SNTG2: variants seen among roughly 807,000 people sequenced by gnomAD.
SNTG2 encodes syntrophin gamma 2.
In SNTG2, 74 loss-of-function variants were observed where a neutral mutation model predicts 70.9. That is an observed-to-expected ratio of 1.04 (90% CI 0.86 to 1.27). The LOEUF (loss-of-function observed/expected upper bound fraction) is 1.27. Ranked by LOEUF, SNTG2 falls within the 50% of genes most tolerant of loss-of-function variation. The pLI, the probability that SNTG2 is intolerant of heterozygous loss-of-function variation, is 0.00. For missense variants in SNTG2, 717 were observed against 690.7 expected (o/e 1.04, Z -0.43); for synonymous variants, 278 against 273.8 (o/e 1.02, Z -0.15).
At chr2:1,153,409 C>G (rs1415579567) in intron 6 of SNTG2, among the ~76,000 whole-genome samples, 1 of 152,094 alleles carries the variant, frequency 6.6e-6, no homozygotes, top group Non-Finnish European at 1.5e-5. Flanking sequence ...GGAAAAGATC[C>G]ACATTTTAGA....
intron 16 of SNTG2, among the ~76,000 whole-genome samples, chr2:1,323,936 G>A (rs1450297138): frequency 6.6e-6 from 1 of 151,782 alleles, no homozygotes; most frequent in East Asian, 1.9e-4. Flanking sequence ...ACCCAGGTTA[G>A]TCAGGGACAT....
At chr2:953,223 T>A (rs954759055) in intron 1 of SNTG2, among the ~76,000 whole-genome samples, 1 of 152,226 alleles carries the variant, frequency 6.6e-6, no homozygotes, top group African/African-American at 2.4e-5. Flanking sequence ...TCTCTGACCA[T>A]ACCTGGATTT....
chr2:1,126,035 A>G (rs183463928), intron 4 of SNTG2, among the ~76,000 whole-genome samples: 6 of 152,324 alleles, frequency 3.9e-5, no homozygotes, highest in Admixed American at 6.5e-5. Flanking sequence ...TTGAAAATAA[A>G]CAATATATTA....
At chr2:1,303,994 G>A (rs1254247806) in intron 14 of SNTG2, among the ~76,000 whole-genome samples, 1 of 152,206 alleles carries the variant, frequency 6.6e-6, no homozygotes, top group East Asian at 1.9e-4. Context: ...GTTTAGTTCA[G>A]ATGATTTCAC....
chr2:1,247,199 G>A (rs949357548), intron 11 of SNTG2, 128 bp from the exon 12 acceptor site: 4 of 596,768 alleles, frequency 6.7e-6, no homozygotes, highest in African/African-American at 3.7e-5. Flanking sequence ...ACATCTCCAC[G>A]TTTCTCCCGT....
intron 8 of SNTG2, among the ~76,000 whole-genome samples, chr2:1,183,465 A>G (rs1672056069): frequency 1.3e-5 from 2 of 152,322 alleles, no homozygotes; most frequent in African/African-American, 4.8e-5. Flanking sequence ...ACTGACCACC[A>G]GCAGGGTGAG....
chr2:1,228,879 C>T (rs1256392951), intron 9 of SNTG2, among the ~76,000 whole-genome samples: 4 of 152,044 alleles, frequency 2.6e-5, no homozygotes, highest in Admixed American at 6.6e-5. Flanking sequence ...AGAGTTTCTT[C>T]CTTCTGGTGG....
chr2:1,194,828 T>C (rs1424988758), intron 8 of SNTG2, among the ~76,000 whole-genome samples: 1 of 152,132 alleles, frequency 6.6e-6, no homozygotes, highest in Non-Finnish European at 1.5e-5. Context: ...GCTGCACCCA[T>C]CAACCTGCCA....
chr2:1,102,995 G>T (rs6720065), intron 4 of SNTG2, among the ~76,000 whole-genome samples: 3 of 152,120 alleles, frequency 2.0e-5, no homozygotes, highest in African/African-American at 7.2e-5. Flanking sequence ...GTTGAGGTGC[G>T]GCCTGCGTGC....
chr2:1,267,133 A>G (rs561233058), intron 13 of SNTG2, among the ~76,000 whole-genome samples: 1 of 152,316 alleles, frequency 6.6e-6, no homozygotes, highest in Non-Finnish European at 1.5e-5. Flanking sequence ...AGGGAAAGGC[A>G]CTTACAGAGA....
At chr2:1,222,067 C>CTA (rs1213501337) in intron 9 of SNTG2, among the ~76,000 whole-genome samples, 1 of 13,012 alleles carries the variant, frequency 7.7e-5, no homozygotes, top group African/African-American at 2.5e-4. Flanking sequence ...GTCTCTGTTT[C>CTA]TCTCTGTCTC....
At chr2:1,360,585 T>C (rs1273748018) in intron 16 of SNTG2, among the ~76,000 whole-genome samples, 2 of 152,192 alleles carry the variant, frequency 1.3e-5, no homozygotes, top group African/African-American at 2.4e-5. Context: ...ATTTCCCTTA[T>C]ATTTGTGTGA....
intron 16 of SNTG2, among the ~76,000 whole-genome samples, chr2:1,364,459 A>G (rs1192991133): frequency 6.6e-6 from 1 of 152,076 alleles, no homozygotes; most frequent in Non-Finnish European, 1.5e-5. Flanking sequence ...GTTTCTATGT[A>G]TAAAACCAAA....
At chr2:1,147,450 C>G (rs1295405521) in intron 6 of SNTG2, among the ~76,000 whole-genome samples, 1 of 152,222 alleles carries the variant, frequency 6.6e-6, no homozygotes, top group Admixed American at 6.5e-5. Flanking sequence ...AGCCTCCCAG[C>G]CTACATCTTT....
chr2:1,182,909 T>C (rs1672011964), intron 8 of SNTG2, among the ~76,000 whole-genome samples: 1 of 152,074 alleles, frequency 6.6e-6, no homozygotes, highest in Admixed American at 6.6e-5. Context: ...TGCGCTACCA[T>C]GCCTAGATAA....
intron 1 of SNTG2, among the ~76,000 whole-genome samples, chr2:969,893 A>G (rs13382275): frequency 0.12 from 17,550 of 152,150 alleles, 1,276 homozygotes; most frequent in Non-Finnish European, 0.16. Context: ...GGAATTTCCA[A>G]TACTGTGTTG....
At chr2:961,477 T>A (rs1006465629) in intron 1 of SNTG2, among the ~76,000 whole-genome samples, 5 of 152,212 alleles carry the variant, frequency 3.3e-5, no homozygotes, top group African/African-American at 1.2e-4. Context: ...TGCTGGGAGT[T>A]AACACACCAC....
chr2:1,106,775 A>G (rs1352392598), intron 4 of SNTG2, among the ~76,000 whole-genome samples: 66 of 33,792 alleles, frequency 2.0e-3, no homozygotes, highest in African/African-American at 4.6e-3. Context: ...GGTGCAGGGT[A>G]TGGAGAGCTC....
At chr2:1,320,581 A>G (rs1022931543) in intron 16 of SNTG2, among the ~76,000 whole-genome samples, 1 of 151,990 alleles carries the variant, frequency 6.6e-6, no homozygotes. Flanking sequence ...AAAGAAAAAA[A>G]TCACGTAGAA....
Sources: allele counts gnomAD v4.1 joint callset (sites outside exome capture counted in the v4.1 genomes callset), GRCh38; gene constraint gnomAD v4.1.1; transcripts MANE v1.5; gene names NCBI Gene and HGNC (gene_info 2026-07-23, HGNC 2026-07-21).